VEPH1: variants seen among roughly 807,000 people sequenced by gnomAD.
VEPH1 encodes the protein ventricular zone expressed PH domain containing 1.
VEPH1 carries 80 observed loss-of-function variants against 85.2 expected under a neutral mutation model. That is an observed-to-expected ratio of 0.94 (90% CI 0.78 to 1.13). VEPH1 has a LOEUF of 1.13. Among genes scored for constraint, VEPH1 ranks in the 50% most tolerant of loss-of-function variants. VEPH1 has a pLI of 0.00. For synonymous variants in VEPH1, 297 were observed against 348.0 expected, an observed-to-expected ratio of 0.85 and a Z score of 1.63; for missense variants, 955 against 980.5, an observed-to-expected ratio of 0.97 and a Z score of 0.35.
At chr3:157,295,841 G>T (rs1178053339) in intron 11 of VEPH1, among the ~76,000 whole-genome samples, 2 of 152,142 alleles carry the variant, frequency 1.3e-5, no homozygotes, top group African/African-American at 4.8e-5. Flanking sequence ...TGTCGTCCCA[G>T]CTACCCAGGA....
At chr3:157,383,614 G>T (rs779934496) in intron 6 of VEPH1, among the ~76,000 whole-genome samples, 1 of 152,080 alleles carries the variant, frequency 6.6e-6, no homozygotes, top group Non-Finnish European at 1.5e-5. Context: ...TATCTCTTGG[G>T]GTAAATGGGG....
chr3:157,372,056 G>A, intron 7 of VEPH1, among the ~76,000 whole-genome samples: 1 of 152,180 alleles, frequency 6.6e-6, no homozygotes, highest in African/African-American at 2.4e-5. Context: ...AGACCTGTAA[G>A]GCAATGTGCT....
chr3:157,313,786 A>G (rs1365111488), intron 10 of VEPH1, 31 bp from the exon 11 acceptor site: 1 of 1,612,808 alleles, frequency 6.2e-7, no homozygotes, highest in African/African-American at 1.3e-5. Flanking sequence ...GAAACAGAAT[A>G]TACTATGTCT....
At chr3:157,262,031 A>C (rs576176128) in intron 13 of VEPH1, among the ~76,000 whole-genome samples, 1 of 152,302 alleles carries the variant, frequency 6.6e-6, no homozygotes, top group Non-Finnish European at 1.5e-5. Context: ...ACATGAATAC[A>C]TTTTGTCTAC....
chr3:157,307,768 T>C (rs1194304303), intron 11 of VEPH1, among the ~76,000 whole-genome samples: 1 of 151,922 alleles, frequency 6.6e-6, no homozygotes, highest in East Asian at 1.9e-4. Flanking sequence ...TATGAAATTG[T>C]AATTACATTT....
chr3:157,311,177 T>G (rs1720071335), intron 11 of VEPH1, among the ~76,000 whole-genome samples: 1 of 152,232 alleles, frequency 6.6e-6, no homozygotes, highest in Non-Finnish European at 1.5e-5. Context: ...GATATCTCAC[T>G]GATAATTTTT....
intron 4 of VEPH1, chr3:157,438,016 G>C: frequency 7.4e-7 from 1 of 1,343,904 alleles, no homozygotes; most frequent in South Asian, 1.3e-5. Context: ...AAGCTTTCAT[G>C]GGAAGCGCGC....
At chr3:157,299,080 A>T (rs1718458494) in intron 11 of VEPH1, among the ~76,000 whole-genome samples, 1 of 152,094 alleles carries the variant, frequency 6.6e-6, no homozygotes, top group Non-Finnish European at 1.5e-5. Context: ...ACCTTTTTAG[A>T]TGTGTCTTTT....
intron 2 of VEPH1, among the ~76,000 whole-genome samples, chr3:157,492,314 T>TTTC (rs1739286786): frequency 6.6e-6 from 1 of 152,206 alleles, no homozygotes; most frequent in East Asian, 1.9e-4. Flanking sequence ...CCGTACGAGT[T>TTTC]ATAATTTTCA....
chr3:157,301,852 C>T (rs2108460317), intron 11 of VEPH1, among the ~76,000 whole-genome samples: 1 of 152,334 alleles, frequency 6.6e-6, no homozygotes, highest in Non-Finnish European at 1.5e-5. Flanking sequence ...TTTTCATCAT[C>T]TGTATGCTGA....
chr3:157,447,961 C>T (rs1484025067), intron 4 of VEPH1, among the ~76,000 whole-genome samples: 7 of 151,918 alleles, frequency 4.6e-5, no homozygotes, highest in African/African-American at 1.7e-4. Context: ...CAAAAACAAC[C>T]AGAACGATGA....
intron 11 of VEPH1, among the ~76,000 whole-genome samples, chr3:157,299,569 A>G (rs1244416919): frequency 1.3e-5 from 2 of 150,802 alleles, no homozygotes; most frequent in African/African-American, 4.9e-5. Flanking sequence ...CAAAAAAAAA[A>G]AAAAAAAAAA....
At chr3:157,458,734 C>G (rs1735582316) in intron 4 of VEPH1, among the ~76,000 whole-genome samples, 2 of 152,044 alleles carry the variant, frequency 1.3e-5, no homozygotes, top group Non-Finnish European at 2.9e-5. Flanking sequence ...CTAGATTTTC[C>G]TTGAGGACTT....
At chr3:157,429,014 T>A (rs868388407) in intron 4 of VEPH1, among the ~76,000 whole-genome samples, 4 of 152,236 alleles carry the variant, frequency 2.6e-5, no homozygotes, top group Non-Finnish European at 2.9e-5. Context: ...AATGCAAATT[T>A]AAATCCCCAA....
chr3:157,473,067 CTTTTTTTTTTT>C (rs200991031), intron 2 of VEPH1, among the ~76,000 whole-genome samples: 2 of 82,676 alleles, frequency 2.4e-5, no homozygotes, highest in African/African-American at 5.7e-5. Context: ...TTAAATGAAC[CTTTTTTTTTTT>C]TTTTTTTTTT....
At chr3:157,363,281 T>G (rs1011804029) in intron 9 of VEPH1, 83 bp downstream of exon 9, 11 of 1,332,166 alleles carry the variant, frequency 8.3e-6, no homozygotes, top group Non-Finnish European at 1.1e-5. Flanking sequence ...GAAAAGAGTA[T>G]GCTAATTTAC....
At chr3:157,500,709 T>C (rs529160900) in intron 1 of VEPH1, among the ~76,000 whole-genome samples, 1 of 152,254 alleles carries the variant, frequency 6.6e-6, no homozygotes, top group Non-Finnish European at 1.5e-5. Flanking sequence ...TTACTGATTT[T>C]TAATCCCTAG....
chr3:157,381,627 G>A (rs1227410065), intron 6 of VEPH1: 4 of 482,118 alleles, frequency 8.3e-6, no homozygotes, highest in East Asian at 7.9e-5. Flanking sequence ...GCTGAGGCAC[G>A]AGAATCACTT....
At chr3:157,487,915 G>A (rs1237961753) in intron 2 of VEPH1, among the ~76,000 whole-genome samples, 1 of 152,032 alleles carries the variant, frequency 6.6e-6, no homozygotes, top group African/African-American at 2.4e-5. Context: ...TTAACCAAAA[G>A]CCTGGAGCAA....
Sources: allele counts gnomAD v4.1 joint callset (sites outside exome capture counted in the v4.1 genomes callset), GRCh38; gene constraint gnomAD v4.1.1; transcripts MANE v1.5; gene names NCBI Gene and HGNC (gene_info 2026-07-23, HGNC 2026-07-21).